The following PROC variants were observed in gnomAD, a reference collection of about 807,000 sequenced individuals.
The protein encoded by PROC is protein C, inactivator of coagulation factors Va and VIIIa, also known as vitamin K-dependent protein C.
A neutral mutation model predicts 36.3 loss-of-function variants in PROC; 22 were observed. The observed-to-expected ratio is 0.61, with a 90% CI of 0.43 to 0.86. The LOEUF is 0.86. Ranked by LOEUF, PROC falls within the 40% of genes least tolerant of loss-of-function variation. The pLI, the probability that PROC is intolerant of heterozygous loss-of-function variation, is 0.00. For synonymous variants in PROC, 218 were observed against 244.5 expected, an observed-to-expected ratio of 0.89 and a Z score of 1.01; for missense variants, 526 against 629.7, an observed-to-expected ratio of 0.84 and a Z score of 1.76.
intron 3 of PROC, among the ~76,000 whole-genome samples, chr2:127,422,003 G>T (rs993425220): frequency 6.6e-6 from 1 of 152,224 alleles, no homozygotes; most frequent in African/African-American, 2.4e-5. Context: ...GGGTGAGCTT[G>T]GTAACGGGGC....
At chr2:127,421,820 T>C (rs561984907) in intron 3 of PROC, among the ~76,000 whole-genome samples, 110 of 152,308 alleles carry the variant, frequency 7.2e-4, no homozygotes, top group African/African-American at 2.6e-3. Flanking sequence ...TCAGGGTGTG[T>C]GTGTGACCGA....
rs1313017907 is a variant in PROC at position 127,426,305 on chromosome 2, G to T, written c.678+78G>T. On this transcript the variant is annotated intron_variant, in intron 7 of 8. Transcript: ENST00000234071. The surrounding 1 kb of genome is among the most constrained non-coding windows in gnomAD (Gnocchi z 7.0). ...GTCCATCCTGGCAGCTATGCTCAGG[G>T]TGCAGAAACCGAGAGGGAAGCGCTG... 1.1e-5 allele frequency: 18 copies of T among 1,593,532 alleles called. No individual in the cohort carries two copies. In the East Asian group the frequency reaches 1.8e-4, roughly 16 times the overall value.
intron 3 of PROC, 102 bp downstream of exon 3, chr2:127,421,551 G>C: frequency 7.1e-7 from 1 of 1,401,218 alleles, no homozygotes; most frequent in Non-Finnish European, 9.9e-7. Flanking sequence ...GCCCTCTTAG[G>C]AGTTGTGGGG....
In PROC at chr2:127,426,039, CG is replaced by C; in HGVS notation, c.536-43del. ...GAGGACCAAGACAGGAGGGCAGTCT[CG>C]GGAGGAGTGCCTGGCAGGCCCCTCA... is the stretch of plus-strand genomic sequence containing the variant. On this transcript the variant is annotated intron_variant, in intron 6 of 8. Coordinates refer to ENST00000234071, the MANE Select transcript of PROC (RefSeq NM_000312.4). This position sits in a 1 kb window ranked among gnomAD's most constrained non-coding sequence, Gnocchi z 7.0. The C allele has an allele frequency of 6.2e-7, 1 of 1,612,892 alleles. No individual in the cohort carries two copies. Among genetic ancestry groups the C allele is most frequent in the Non-Finnish European group, 8.5e-7 (1 of 1,179,432 alleles).
At position 127,418,619 on chromosome 2, in the gene PROC, G is replaced by A. The variant is rs2854700; in HGVS notation, c.-22+127G>A. The A allele has an allele frequency of 1, 826,141 of 827,482 alleles. 412,413 individuals are homozygous for A. Among genetic ancestry groups the A allele is most frequent in the South Asian group, 1 (67,877 of 67,878 alleles). 51.3% of individuals were successfully genotyped at this position (827,482 alleles called of 1,614,324 possible). ...TGCTCAACAAGCCTGAGCTTGGGGT[G>A]AAAGGACACAAGGCCCTCCACAGGC... On this transcript the variant is annotated intron_variant, in intron 1 of 8. Transcript: ENST00000234071. This position sits in a 1 kb window ranked among gnomAD's most constrained non-coding sequence, Gnocchi z 4.8.
intron 3 of PROC, 148 bp from the exon 4 acceptor site, chr2:127,422,769 C>T: frequency 2.6e-6 from 3 of 1,159,454 alleles, no homozygotes; most frequent in Non-Finnish European, 3.7e-6. Flanking sequence ...GCACCAGCTC[C>T]TAGCAGCCAA....
At position 127,426,355 on chromosome 2, in the gene PROC, G is replaced by T; in HGVS notation, c.678+128G>T. 7.2e-7 allele frequency: 1 copy of T among 1,384,140 alleles called. No individual in the cohort carries two copies. The highest frequency in any genetic ancestry group is 1.0e-6 in the Non-Finnish European group (1 of 995,688). 85.7% of individuals were successfully genotyped at this position (1,384,140 alleles called of 1,614,324 possible). A position where few individuals can be genotyped will look rare whatever the true frequency, so the allele number is the denominator to read the frequency against. The stretch of plus-strand genomic sequence containing the variant: ...GCCATTGCGTTTGGGGGATGATGAA[G>T]GTGGGGGATGCTTCAGGGAAAGATG... On this transcript the variant is annotated intron_variant, in intron 7 of 8. Coordinates refer to ENST00000234071, the MANE Select transcript of PROC (RefSeq NM_000312.4). The surrounding 1 kb of genome is among the most constrained non-coding windows in gnomAD (Gnocchi z 7.0).
chr2:127,421,246 C>T, intron 2 of PROC, 37 bp from the exon 3 acceptor site: 1 of 1,612,162 alleles, frequency 6.2e-7, no homozygotes, highest in East Asian at 2.2e-5. Flanking sequence ...TCTTAGGCCC[C>T]TCCACCAAGG....
chr2:127,424,260 C>T (rs187036260), intron 6 of PROC, among the ~76,000 whole-genome samples: 24 of 152,002 alleles, frequency 1.6e-4, no homozygotes, highest in African/African-American at 5.3e-4. Context: ...AGTGCAATGA[C>T]GTGATCTCAG....
chr2:127,426,752 G>A lies in PROC; in HGVS notation c.679-353G>A, dbSNP rs1404701807. On this transcript the variant is annotated intron_variant, in intron 7 of 8. Transcript: ENST00000234071. The surrounding 1 kb of genome is among the most constrained non-coding windows in gnomAD (Gnocchi z 7.0). ...AGGACGGCCCTTCAAGATAGGGGCT[G>A]AGGGAGGCCCAAGGGGAACATCCAG... Among the ~76,000 whole-genome samples, 5 of 152,218 alleles carry A rather than the reference G, an allele frequency of 3.3e-5. No individual in the cohort carries two copies. The highest frequency in any genetic ancestry group is 7.3e-5 in the Non-Finnish European group (5 of 68,030).
chr2:127,418,542 C>T lies in PROC; in HGVS notation c.-22+50C>T. On this transcript the variant is annotated intron_variant, in intron 1 of 8. Coordinates refer to ENST00000234071, the MANE Select transcript of PROC (RefSeq NM_000312.4). This position sits in a 1 kb window ranked among gnomAD's most constrained non-coding sequence, Gnocchi z 4.8. ...ATGAGGGGTGTGGAGGGAGGGCTGC[C>T]CCCGGGAGAAGAGAGCTAGGTGGTG... 7.8e-7 allele frequency: 1 copy of T among 1,280,026 alleles called. No individual in the cohort carries two copies. Among genetic ancestry groups the T allele is most frequent in the Non-Finnish European group, 1.0e-6 (1 of 980,020 alleles). 79.3% of individuals were successfully genotyped at this position (1,280,026 alleles called of 1,614,324 possible). A position where few individuals can be genotyped will look rare whatever the true frequency, so the allele number is the denominator to read the frequency against.
chr2:127,427,279 G>A, intron 8 of PROC, 57 bp downstream of exon 8: 2 of 1,510,478 alleles, frequency 1.3e-6, no homozygotes, highest in East Asian at 2.2e-5. Context: ...GGGGGACCAG[G>A]CAGGCTGTTC....
rs765900344 is a variant in PROC at position 127,427,221 on chromosome 2, T to C, written c.795T>C (p.Leu265=). The change falls in exon 8 of 9, where the codon CTT becomes CTC. Residue 265 remains leucine (L), a splice_region_variant and synonymous_variant. Transcript: ENST00000234071. Reference sequence around the variant, plus strand: ...AGTCCAAGAAGCTCCTTGTCAGGCTTGGTATGGGCTGGAGCCAGGCAGAAG... The same window carrying C: ...AGTCCAAGAAGCTCCTTGTCAGGCTCGGTATGGGCTGGAGCCAGGCAGAAG... ...MDESKKLLVR[L]GEYDLRRWEK... The C allele has an allele frequency of 6.8e-6, 11 of 1,611,468 alleles. No homozygotes were observed. The highest frequency in any genetic ancestry group is 9.3e-6 in the Non-Finnish European group (11 of 1,179,114).
rs2104936298 is a variant in PROC, at chr2:127,418,851, G to C, written c.-22+359G>C. ...AGGGAGTCGGCAAGAATGGAGAGCAGGGTCCGGTAGGGTGTGCAGAGGGCC... is the reference window on the plus strand; with the variant it reads ...AGGGAGTCGGCAAGAATGGAGAGCACGGTCCGGTAGGGTGTGCAGAGGGCC... On this transcript the variant is annotated intron_variant, in intron 1 of 8. Transcript: ENST00000234071. This position sits in a 1 kb window ranked among gnomAD's most constrained non-coding sequence, Gnocchi z 4.8. 6.6e-6 allele frequency among the ~76,000 whole-genome samples: 1 copy of C among 152,354 alleles called. No individual in the cohort carries two copies. Among genetic ancestry groups the C allele is most frequent in the Middle Eastern group, 3.4e-3 (1 of 294 alleles).
At position 127,426,110 on chromosome 2, in the gene PROC, G is replaced by A. The variant is rs1558715877; in HGVS notation, c.561G>A (p.Trp187Ter). The A allele has an allele frequency of 6.2e-7, 1 of 1,614,136 alleles. No homozygotes were observed. The highest frequency in any genetic ancestry group is 1.7e-5 in the Admixed American group (1 of 60,028). ...PAVKFPCGRP[W>*]KRMEKKRSHL... ...TGAAGTTCCCTTGTGGGAGGCCCTG[G>A]AAGCGGATGGAGAAGAAGCGCAGTC... The change falls in exon 7 of 9, where the codon TGG (tryptophan) becomes TGA (stop). Residue 187 changes from tryptophan (W) to a stop codon, truncating the protein, a stop_gained. Transcript: ENST00000234071. LOFTEE classifies it high-confidence loss of function. The surrounding 1 kb of genome is among the most constrained non-coding windows in gnomAD (Gnocchi z 7.0).
rs542145820 is a variant in PROC, at chr2:127,428,264, C to T, written c.797-93C>T. The T allele has an allele frequency of 4.8e-6, 6 of 1,260,706 alleles. No homozygotes were observed. The East Asian group carries it at 1.3e-4, about 26-fold the overall frequency. 78.1% of individuals were successfully genotyped at this position (1,260,706 alleles called of 1,614,324 possible). Reference sequence around the variant, plus strand: ...ACCTTCTTCAGGCCCTCTGCCCAGGCCTGCAGGGGCACAGCAGTGGGTGGG... The same window carrying T: ...ACCTTCTTCAGGCCCTCTGCCCAGGTCTGCAGGGGCACAGCAGTGGGTGGG... On this transcript the variant is annotated intron_variant, in intron 8 of 8. Transcript: ENST00000234071.
rs748099849 is a variant in PROC at position 127,427,139 on chromosome 2, G to C, written c.713G>C (p.Cys238Ser). 3 of 1,613,920 alleles carry C rather than the reference G, an allele frequency of 1.9e-6. No individual in the cohort carries two copies. Among genetic ancestry groups the C allele is most frequent in the South Asian group, 1.1e-5 (1 of 91,082 alleles). ...CTGGACTCAAAGAAGAAGCTGGCCT[G>C]CGGGGCAGTGCTCATCCACCCCTCC... ...VLLDSKKKLACGAVLIHPSWV... is the reference protein window; with the variant it reads ...VLLDSKKKLASGAVLIHPSWV... Residue 238 changes from cysteine to serine, a missense_variant, in exon 8 of 9, where the codon TGC becomes TCC. By Grantham distance (112) the Cys-to-Ser change is moderately radical. Transcript: ENST00000234071.
intron 5 of PROC, 23 bp downstream of exon 5, chr2:127,423,194 G>A (rs1688231222): frequency 2.0e-6 from 3 of 1,523,626 alleles, no homozygotes; most frequent in African/African-American, 1.4e-5. Context: ...GGTGGATGCT[G>A]GCGGGCGGCG....
In PROC at chr2:127,428,918, A is replaced by T; in HGVS notation, c.1358A>T (p.Glu453Val). 6.2e-7 allele frequency: 1 copy of T among 1,613,956 alleles called. No individual in the cohort carries two copies. The highest frequency in any genetic ancestry group is 8.5e-7 in the Non-Finnish European group (1 of 1,180,026). ...DWIHGHIRDK[E>V]APQKSWAP is the part of the protein sequence containing the mutation. The stretch of plus-strand genomic sequence containing the variant: ...ATCCATGGGCACATCAGAGACAAGG[A>T]AGCCCCCCAGAAGAGCTGGGCACCT... Residue 453 changes from glutamate (E) to valine (V), a missense_variant, in exon 9 of 9, where the codon GAA becomes GTA. Physicochemically the swap from Glu to Val is moderately radical, Grantham distance 121. Coordinates refer to ENST00000234071, the MANE Select transcript of PROC (RefSeq NM_000312.4).
Sources: allele counts gnomAD v4.1 joint callset (sites outside exome capture counted in the v4.1 genomes callset), GRCh38; gene constraint gnomAD v4.1.1; non-coding constraint Gnocchi (gnomAD v3.1); transcripts MANE v1.5; gene names NCBI Gene and HGNC (gene_info 2026-07-23, HGNC 2026-07-21).